The following UBAP2 variants were observed in gnomAD, a reference collection of about 807,000 sequenced individuals.
UBAP2 encodes the protein ubiquitin associated protein 2, also known as ubiquitin-associated protein 2.
Under a neutral mutation model 139.6 loss-of-function variants are expected in UBAP2, and 75 were observed. That is an observed-to-expected ratio of 0.54 (90% CI 0.45 to 0.65). The LOEUF (loss-of-function observed/expected upper bound fraction) is 0.65. Ranked by LOEUF, UBAP2 falls within the 30% of genes least tolerant of loss-of-function variation. The pLI, the probability that UBAP2 is intolerant of heterozygous loss-of-function variation, is 0.00. For missense variants in UBAP2, 1,368 were observed against 1,369.6 expected, an observed-to-expected ratio of 1.00 and a Z score of 0.02; for synonymous variants, 526 against 526.2, an observed-to-expected ratio of 1.00 and a Z score of 0.01.
chr9:33,995,581 T>C (rs1004991261), intron 4 of UBAP2: 3 of 138,814 alleles, frequency 2.2e-5, no homozygotes, highest in Non-Finnish European at 3.1e-5. Context: ...TAAAATTAAA[T>C]TATTTAAAAT....
chr9:34,011,748 T>C, intron 2 of UBAP2: 1 of 646,390 alleles, frequency 1.5e-6, no homozygotes, highest in East Asian at 1.4e-4. Context: ...GCAATAAACA[T>C]TAGTGACATA....
intron 19 of UBAP2, 62 bp downstream of exon 19, chr9:33,932,500 T>G (rs991417906): frequency 1.3e-6 from 2 of 1,594,944 alleles, no homozygotes; most frequent in East Asian, 2.2e-5. Context: ...CCCAGCTGCA[T>G]GTGACTAAGC....
At chr9:33,961,039 C>A (rs763686232) in intron 9 of UBAP2, among the ~76,000 whole-genome samples, 161 bp from the exon 10 acceptor site, 35 of 152,106 alleles carry the variant, frequency 2.3e-4, no homozygotes, top group Non-Finnish European at 7.4e-5. Context: ...AATCTATTCT[C>A]GGTAAAATCA....
chr9:34,045,330 T>A (rs1449408488), intron 1 of UBAP2, among the ~76,000 whole-genome samples: 2 of 147,306 alleles, frequency 1.4e-5, no homozygotes, highest in Admixed American at 1.4e-4. Flanking sequence ...TGGGCAACAG[T>A]GAGACTGTCT....
In UBAP2 at chr9:33,989,419, T is replaced by C. The variant is rs557064720; in HGVS notation, c.289-293A>G. On this transcript the variant is annotated intron_variant, in intron 4 of 28. Transcript: ENST00000379238. ...GGTTTCATCGTGTTAGCCATGATGG[T>C]CTCGATCTCCTGACCTCGTGATCTG... Among the ~76,000 whole-genome samples the C allele has an allele frequency of 8.5e-5, 13 of 152,320 alleles. No homozygotes were observed. The South Asian group carries it at 2.7e-3, about 32-fold the overall frequency.
intron 1 of UBAP2, among the ~76,000 whole-genome samples, chr9:34,046,643 CAAAA>C (rs59971755): frequency 0.087 from 10,052 of 115,798 alleles, 84 homozygotes; most frequent in Non-Finnish European, 0.1. Flanking sequence ...GACTCCATCT[CAAAA>C]AAAAAAAAAA....
rs144078066 is a variant in UBAP2 at position 33,944,467 on chromosome 9, C to T, written c.1443G>A (p.Leu481=). The change falls in exon 14 of 29, where the codon TTG becomes TTA. Residue 481 remains leucine, a synonymous_variant. Transcript: ENST00000379238. Reference sequence around the variant, plus strand: ...TTTCAATGGTCGTGCTGGGAAGCTGCAAAAGCTTGTTCACAGTGGAGGGAC... The same window carrying T: ...TTTCAATGGTCGTGCTGGGAAGCTGTAAAAGCTTGTTCACAGTGGAGGGAC... ...GDSPSTVNKL[L]QLPSTTIENI... 2 of 1,614,080 alleles carry T rather than the reference C, an allele frequency of 1.2e-6. No individual in the cohort carries two copies. The highest frequency in any genetic ancestry group is 1.7e-5 in the Admixed American group (1 of 59,998).
chr9:33,993,896 CTTTTTT>C (rs34361153), intron 4 of UBAP2, among the ~76,000 whole-genome samples: 1 of 137,274 alleles, frequency 7.3e-6, no homozygotes, highest in Non-Finnish European at 1.5e-5. Flanking sequence ...GCTTTGCTTT[CTTTTTT>C]TTTTTTTTTT....
At chr9:33,987,158 T>C (rs554237012) in intron 5 of UBAP2, among the ~76,000 whole-genome samples, 1 of 151,928 alleles carries the variant, frequency 6.6e-6, no homozygotes, top group South Asian at 2.1e-4. Context: ...CACCTATAAT[T>C]CCAGCACTTT....
intron 16 of UBAP2, among the ~76,000 whole-genome samples, chr9:33,936,871 C>T (rs1187841747): frequency 7.9e-6 from 1 of 126,222 alleles, no homozygotes; most frequent in East Asian, 2.5e-4. Context: ...AACAGGAGAA[C>T]TGCTTGCGCC....
At chr9:33,992,943 T>C (rs183707021) in intron 4 of UBAP2, among the ~76,000 whole-genome samples, 4 of 152,300 alleles carry the variant, frequency 2.6e-5, no homozygotes, top group African/African-American at 9.6e-5. Context: ...CGAAGCCAGC[T>C]AGTTCAAAAA....
Position 33,977,048 on chromosome 9 carries a change from T to TA in UBAP2, c.521-3812_521-3811insT, listed in dbSNP as rs762005899. On this transcript the variant is annotated intron_variant, in intron 6 of 28. Coordinates refer to ENST00000379238, the MANE Select transcript of UBAP2 (RefSeq NM_001370062.2). ...AAACAGTTGTTTTTTATTTATTTTT[T>TA]TTTTTTTTGAGACAGAGTCTCACCC... Among the ~76,000 whole-genome samples, 1,225 of 148,118 alleles carry TA rather than the reference T, an allele frequency of 8.3e-3. 15 individuals carry two copies. Among genetic ancestry groups the TA allele is most frequent in the Non-Finnish European group, 0.011 (743 of 67,254 alleles).
Position 33,922,527 on chromosome 9 carries a change from TG to T in UBAP2, c.3336del (p.Asn1113ThrfsTer98), listed in dbSNP as rs1304637653. 3.7e-5 allele frequency: 59 copies of T among 1,613,878 alleles called. No individual in the cohort carries two copies. Among genetic ancestry groups the T allele is most frequent in the Non-Finnish European group, 4.9e-5 (58 of 1,179,998 alleles). On this transcript the variant is annotated frameshift_variant, in exon 29 of 29. Transcript: ENST00000379238. LOFTEE classifies it high-confidence loss of function. ...GTTTAGTTTGTCCAGTATGGAGAGT[TG>T]CCGTAGGCAGGTTTGGAGGCTTGAG... ...PKSQASKPAYGNSPYWTN is the reference protein window; with the variant it reads ...PKSQASKPAYXNSPYWTN
intron 8 of UBAP2, among the ~76,000 whole-genome samples, chr9:33,965,234 A>G (rs1176375543): frequency 1.3e-5 from 2 of 152,126 alleles, no homozygotes; most frequent in African/African-American, 2.4e-5. Context: ...AATCATTACT[A>G]TCCATTTCTA....
chr9:34,002,427 G>T (rs1014732747), intron 2 of UBAP2, among the ~76,000 whole-genome samples: 1 of 148,358 alleles, frequency 6.7e-6, no homozygotes, highest in Non-Finnish European at 1.5e-5. Context: ...CGCCCAGGCT[G>T]GAGTGCATGG....
intron 6 of UBAP2, among the ~76,000 whole-genome samples, chr9:33,979,581 A>T (rs1820458297): frequency 6.6e-6 from 1 of 151,934 alleles, no homozygotes; most frequent in Admixed American, 6.6e-5. Context: ...CGTCTCAAAA[A>T]ATAAAAATAA....
At chr9:34,022,543 C>T (rs1416705026) in intron 1 of UBAP2, among the ~76,000 whole-genome samples, 1 of 147,338 alleles carries the variant, frequency 6.8e-6, no homozygotes, top group Non-Finnish European at 1.5e-5. Context: ...TCAAGTGATT[C>T]TCCCACCTCA....
chr9:33,981,674 A>T (rs1470747106), intron 6 of UBAP2, among the ~76,000 whole-genome samples: 1 of 151,836 alleles, frequency 6.6e-6, no homozygotes, highest in Non-Finnish European at 1.5e-5. Flanking sequence ...TTTTAAATAC[A>T]TTGATATAGA....
intron 6 of UBAP2, among the ~76,000 whole-genome samples, chr9:33,983,606 A>AT (rs1462754807): frequency 2.0e-5 from 3 of 152,286 alleles, no homozygotes; most frequent in Non-Finnish European, 4.4e-5. Context: ...ACACAGTAAA[A>AT]TTTAGGGGTC....
Sources: gnomAD v4.1 joint callset for allele counts (sites outside exome capture counted in the v4.1 genomes callset) on GRCh38, gnomAD v4.1.1 for gene constraint, MANE v1.5 for transcripts, NCBI Gene and HGNC (gene_info 2026-07-23, HGNC 2026-07-21) for gene names.